The following OGFOD3 variants were observed in gnomAD, a reference collection of about 807,000 sequenced individuals.
The protein encoded by OGFOD3 is 2-oxoglutarate and iron dependent oxygenase domain containing 3, also known as 2-oxoglutarate and iron-dependent oxygenase domain-containing protein 3.
OGFOD3 carries 35 observed loss-of-function variants against 39.8 expected under a neutral mutation model. That is an observed-to-expected ratio of 0.88 (90% CI 0.67 to 1.17). The LOEUF is 1.17. OGFOD3 is among the 50% of genes most tolerant of loss of function. OGFOD3 has a pLI of 0.00. For synonymous variants in OGFOD3, 200 were observed against 192.0 expected (o/e 1.04, Z -0.34); for missense variants, 438 against 454.5 (o/e 0.96, Z 0.33).
chr17:82,394,961 T>C (rs1413477458), intron 8 of OGFOD3, among the ~76,000 whole-genome samples: 2 of 152,200 alleles, frequency 1.3e-5, no homozygotes, highest in African/African-American at 4.8e-5. Context: ...GAGAAGACAG[T>C]GGGAAGCTCA....
chr17:82,412,265 G>A (rs575003501), intron 2 of OGFOD3, among the ~76,000 whole-genome samples: 29 of 152,222 alleles, frequency 1.9e-4, no homozygotes, highest in African/African-American at 6.3e-4. Context: ...CAGCTCAAAT[G>A]GGGGTCAGGG....
chr17:82,395,144 A>G (rs2052652100), intron 8 of OGFOD3, among the ~76,000 whole-genome samples: 1 of 152,112 alleles, frequency 6.6e-6, no homozygotes, highest in East Asian at 1.9e-4. Context: ...CAATCCTCCC[A>G]TCTCAGCCTC....
At position 82,406,937 on chromosome 17, in the gene OGFOD3, G is replaced by A. The variant is rs1187514926; in HGVS notation, c.424-455C>T. Among the ~76,000 whole-genome samples the A allele has an allele frequency of 6.6e-6, 1 of 152,154 alleles. No homozygotes were observed. Among genetic ancestry groups the A allele is most frequent in the Non-Finnish European group, 1.5e-5 (1 of 68,018 alleles). Reference sequence around the variant, plus strand: ...ACTTTCTTAAAATCCTCCCAGACCGGCCAGACGTGGTGGCTCACACCTGCA... The same window carrying A: ...ACTTTCTTAAAATCCTCCCAGACCGACCAGACGTGGTGGCTCACACCTGCA... On this transcript the variant is annotated intron_variant, in intron 4 of 8. Transcript: ENST00000313056. This position sits in a 1 kb window ranked among gnomAD's most constrained non-coding sequence, Gnocchi z 5.2.
intron 7 of OGFOD3, among the ~76,000 whole-genome samples, chr17:82,403,117 A>G (rs2052792994): frequency 6.6e-6 from 1 of 152,224 alleles, no homozygotes; most frequent in South Asian, 2.1e-4. Context: ...CAGAGACAAC[A>G]CAGAGACCTG....
At chr17:82,398,897 T>TTG (rs1448989954) in intron 7 of OGFOD3, among the ~76,000 whole-genome samples, 1 of 150,328 alleles carries the variant, frequency 6.7e-6, no homozygotes, top group Non-Finnish European at 1.5e-5. Context: ...TATTTTTTTT[T>TTG]TTGTAGAGAT....
At position 82,392,653 on chromosome 17, in the gene OGFOD3, G is replaced by A. The variant is rs971973463; in HGVS notation, c.824-119C>T. 2 of 1,247,302 alleles carry A rather than the reference G, an allele frequency of 1.6e-6. No homozygotes were observed. The highest frequency in any genetic ancestry group is 5.5e-5 in the Admixed American group (2 of 36,360). The allele number at this position is 1,247,302 out of a possible 1,614,324, so 77.3% of individuals were successfully genotyped here. On this transcript the variant is annotated intron_variant, in intron 8 of 8. Coordinates refer to ENST00000313056, the MANE Select transcript of OGFOD3 (RefSeq NM_024648.3). The surrounding 1 kb of genome is among the most constrained non-coding windows in gnomAD (Gnocchi z 4.2). ...CCAATCAACACAACCAACCAGGCAG[G>A]CTGGAGAAATTGCCCCTCTGGGAAC...
chr17:82,393,147 T>C (rs2052619174), intron 8 of OGFOD3: 1 of 152,456 alleles, frequency 6.6e-6, no homozygotes, highest in East Asian at 1.9e-4. Context: ...TGTCTTCACA[T>C]TGAAGTGGCG....
At chr17:82,408,392 G>T (rs1201393697) in intron 4 of OGFOD3, among the ~76,000 whole-genome samples, 1 of 152,172 alleles carries the variant, frequency 6.6e-6, no homozygotes, top group Non-Finnish European at 1.5e-5. Context: ...AAACAACCCT[G>T]AGGAAACCGC....
intron 3 of OGFOD3, 84 bp downstream of exon 3, chr17:82,411,371 T>TA: frequency 7.9e-7 from 1 of 1,264,230 alleles, no homozygotes; most frequent in Non-Finnish European, 1.1e-6. Flanking sequence ...ACCACTTTAT[T>TA]ACTAACAATG....
intron 7 of OGFOD3, among the ~76,000 whole-genome samples, chr17:82,402,213 T>G (rs1465463899): frequency 3.3e-5 from 5 of 151,988 alleles, no homozygotes; most frequent in African/African-American, 1.2e-4. Flanking sequence ...GGCAGGTGGA[T>G]TGCTTGAGGT....
chr17:82,417,079 TTAAA>T (rs1420584631), intron 1 of OGFOD3: 1 of 152,236 alleles, frequency 6.6e-6, no homozygotes, highest in Non-Finnish European at 1.5e-5. Context: ...AATGTATTAA[TTAAA>T]TAACTTCTCA....
chr17:82,394,763 C>T (rs1028904304), intron 8 of OGFOD3, among the ~76,000 whole-genome samples: 4 of 152,180 alleles, frequency 2.6e-5, no homozygotes, highest in African/African-American at 9.6e-5. Context: ...TATGGTGGGA[C>T]GTGGGCCACA....
At chr17:82,417,618 C>CAAAAAAAAAA (rs11413297) in intron 1 of OGFOD3, among the ~76,000 whole-genome samples, 1 of 127,612 alleles carries the variant, frequency 7.8e-6, no homozygotes, top group African/African-American at 3.0e-5. Flanking sequence ...GCCTCTGTCT[C>CAAAAAAAAAA]AAAAAAAAAA....
rs765698330 is a variant in OGFOD3 at position 82,404,463 on chromosome 17, C to T, written c.546-373G>A. Among the ~76,000 whole-genome samples, 10 of 152,138 alleles carry T rather than the reference C, an allele frequency of 6.6e-5. No homozygotes were observed. Among genetic ancestry groups the T allele is most frequent in the African/African-American group, 2.4e-4 (10 of 41,440 alleles). ...CAACGAAGAGGCTGCTGTCCCCCAA[C>T]GTGAGTGTGCGGGGTGTGTGGACGT... On this transcript the variant is annotated intron_variant, in intron 6 of 8. Transcript: ENST00000313056. The surrounding 1 kb of genome is among the most constrained non-coding windows in gnomAD (Gnocchi z 4.5).
At chr17:82,417,175 G>C (rs2053071276) in intron 1 of OGFOD3, 1 of 152,184 alleles carries the variant, frequency 6.6e-6, no homozygotes, top group African/African-American at 2.4e-5. Flanking sequence ...GGAGAAGGTA[G>C]AATACTTATA....
chr17:82,415,510 C>T lies in OGFOD3; in HGVS notation c.192G>A (p.Leu64=), dbSNP rs767806099. 1.2e-6 allele frequency: 2 copies of T among 1,613,560 alleles called. No homozygotes were observed. The highest frequency in any genetic ancestry group is 2.7e-5 in the African/African-American group (2 of 74,908). Residue 64 remains leucine, a synonymous_variant, in exon 2 of 9, where the codon TTG becomes TTA. Transcript: ENST00000313056. The surrounding 1 kb of genome is among the most constrained non-coding windows in gnomAD (Gnocchi z 5.3). ...CCTCTGCGACCCCGTCGTCGGCCCC[C>T]AAGCTGCTCCAGAGCAGGAGTGCGG... The part of the protein sequence containing the change: ...VLTALLLWSS[L]GADDGVAEVL...
intron 7 of OGFOD3, among the ~76,000 whole-genome samples, chr17:82,400,388 G>A (rs1050797289): frequency 2.0e-5 from 3 of 152,336 alleles, no homozygotes; most frequent in Middle Eastern, 3.4e-3. Flanking sequence ...GCAAAGCCGC[G>A]TGCGGACTGC....
At chr17:82,395,752 C>T (rs1204347211) in intron 8 of OGFOD3, among the ~76,000 whole-genome samples, 3 of 152,050 alleles carry the variant, frequency 2.0e-5, no homozygotes, top group South Asian at 2.1e-4. Flanking sequence ...ATCCGGGAGG[C>T]GGAGCTTGCA....
rs1003215169 is a variant in OGFOD3, at chr17:82,394,192, G to A, written c.824-1658C>T. The A allele has an allele frequency of 6.5e-4, 365 of 560,958 alleles. 1 individual carries two copies. The highest frequency in any genetic ancestry group is 8.1e-4 in the Non-Finnish European group (266 of 329,222). The allele number at this position is 560,958 out of a possible 1,614,324, so 34.7% of individuals were successfully genotyped here. On this transcript the variant is annotated intron_variant, in intron 8 of 8. Transcript: ENST00000313056. ...CTTTTAGTAGAGATGTAGTTTCACC[G>A]TGTTAGCCAGGATGGTCTCGATCTC...
Sources: gnomAD v4.1 joint callset for allele counts (sites outside exome capture counted in the v4.1 genomes callset) on GRCh38, gnomAD v4.1.1 for gene constraint, Gnocchi (gnomAD v3.1) non-coding constraint, MANE v1.5 for transcripts, NCBI Gene and HGNC (gene_info 2026-07-23, HGNC 2026-07-21) for gene names.